ALDH9A1: variants seen among roughly 807,000 people sequenced by gnomAD.
The protein encoded by ALDH9A1 is aldehyde dehydrogenase 9 family member A1.
ALDH9A1 carries 42 observed loss-of-function variants against 56.6 expected under a neutral mutation model. The observed-to-expected ratio is 0.74, with a 90% confidence interval of 0.58 to 0.96. The LOEUF is 0.96. Ranked by LOEUF, ALDH9A1 falls within the 40% of genes least tolerant of loss-of-function variation. ALDH9A1 has a pLI of 0.00. For synonymous variants in ALDH9A1, 242 were observed against 236.0 expected, an observed-to-expected ratio of 1.03 and a Z score of -0.23; for missense variants, 661 against 651.5, an observed-to-expected ratio of 1.01 and a Z score of -0.16.
chr1:165,695,670 T>C (rs922079130), intron 1 of ALDH9A1, among the ~76,000 whole-genome samples: 1 of 151,558 alleles, frequency 6.6e-6, no homozygotes, highest in Admixed American at 6.6e-5. Flanking sequence ...TAATTTTTTG[T>C]ATTTTTTAGT....
rs751345266 is a variant in ALDH9A1, at chr1:165,665,097, C to T, written c.1383G>A (p.Glu461=). 2.0e-5 allele frequency: 33 copies of T among 1,613,824 alleles called. No homozygotes were observed. In the South Asian group the frequency reaches 3.2e-4, roughly 16 times the overall value. The change falls in exon 10 of 11, where the codon GAG becomes GAA. Residue 461 remains glutamate (E), a synonymous_variant. Coordinates refer to ENST00000354775, the MANE Select transcript of ALDH9A1 (RefSeq NM_000696.4). ...DIQRAHRVVA[E]LQAGTCFINN... ...TAATGAAGCACGTCCCAGCCTGAAGCTCAGCTACCACTCTATGAGCCCGTT... is the reference window on the plus strand; with the variant it reads ...TAATGAAGCACGTCCCAGCCTGAAGTTCAGCTACCACTCTATGAGCCCGTT...
At chr1:165,689,768 T>C (rs1166240332) in intron 2 of ALDH9A1, among the ~76,000 whole-genome samples, 3 of 151,878 alleles carry the variant, frequency 2.0e-5, no homozygotes, top group African/African-American at 7.3e-5. Context: ...ACTCTGTCTC[T>C]ACTAAAAATA....
At chr1:165,687,318 T>C (rs1041274649) in intron 2 of ALDH9A1, among the ~76,000 whole-genome samples, 2 of 150,130 alleles carry the variant, frequency 1.3e-5, no homozygotes, top group African/African-American at 4.9e-5. Context: ...AAAGAAATCA[T>C]GGCCAAATTT....
chr1:165,675,895 C>G (rs1333880653), intron 6 of ALDH9A1, among the ~76,000 whole-genome samples: 1 of 152,136 alleles, frequency 6.6e-6, no homozygotes. Context: ...TTATTTTCCA[C>G]AGAGGTATGG....
intron 9 of ALDH9A1, among the ~76,000 whole-genome samples, chr1:165,666,472 G>C (rs1357862959): frequency 1.3e-5 from 2 of 152,096 alleles, no homozygotes; most frequent in Non-Finnish European, 2.9e-5. Flanking sequence ...CTTTGTAACC[G>C]GACTTTGTCT....
intron 6 of ALDH9A1, among the ~76,000 whole-genome samples, chr1:165,673,664 G>T (rs1004385065): frequency 6.6e-6 from 1 of 152,138 alleles, no homozygotes; most frequent in Non-Finnish European, 1.5e-5. Context: ...GACGCTTTCT[G>T]ACTGAGCTCC....
In ALDH9A1 at chr1:165,679,485, G is replaced by A; in HGVS notation, c.887C>T (p.Ala296Val). Residue 296 changes from alanine to valine, a missense_variant, in exon 6 of 11, where the codon GCT becomes GTT. Ala to Val is a moderately conservative substitution (Grantham distance 64, BLOSUM62 0). Transcript: ENST00000354775. ...GTTGGCCATCAGCGCCCCCTTTACA[G>A]CATTGTTCATATCACAGTCTGAGAA... Reference protein sequence around the residue: ...IIFSDCDMNNAVKGALMANFL... With the variant: ...IIFSDCDMNNVVKGALMANFL... 6.2e-7 allele frequency: 1 copy of A among 1,614,120 alleles called. No homozygotes were observed.
chr1:165,676,627 A>G (rs1402664620), intron 6 of ALDH9A1: 1 of 336,920 alleles, frequency 3.0e-6, no homozygotes, highest in Admixed American at 4.0e-5. Flanking sequence ...TCTGAAATGC[A>G]TGAAAGAAGA....
intron 6 of ALDH9A1, among the ~76,000 whole-genome samples, chr1:165,673,335 T>C (rs560587970): frequency 2.6e-5 from 4 of 152,308 alleles, no homozygotes; most frequent in Admixed American, 2.0e-4. Context: ...AAAGGAAATC[T>C]TGGTATACTG....
At position 165,667,436 on chromosome 1, in the gene ALDH9A1, C is replaced by A. The variant is rs775405930; in HGVS notation, c.1222G>T (p.Asp408Tyr). ...ATCTCTTCCTTCACACAGGTCATGT[C>A]GTCTCTGCAATTAGCTGCAAACATT... Reference protein sequence around the residue: ...RPCVLTNCRDDMTCVKEEIFG... With the variant: ...RPCVLTNCRDYMTCVKEEIFG... Residue 408 changes from aspartate (D) to tyrosine (Y), a missense_variant, in exon 9 of 11, where the codon GAC becomes TAC. Coordinates refer to ENST00000354775, the MANE Select transcript of ALDH9A1 (RefSeq NM_000696.4). 1.2e-6 allele frequency: 2 copies of A among 1,613,936 alleles called. No homozygotes were observed. The highest frequency in any genetic ancestry group is 2.2e-5 in the East Asian group (1 of 44,876).
At chr1:165,666,163 T>C (rs1053344183) in intron 9 of ALDH9A1, among the ~76,000 whole-genome samples, 1 of 152,180 alleles carries the variant, frequency 6.6e-6, no homozygotes, top group Non-Finnish European at 1.5e-5. Context: ...ATATATACTG[T>C]ATGATTCCAT....
chr1:165,680,807 TC>T, intron 4 of ALDH9A1, 124 bp from the exon 5 acceptor site: 2 of 904,544 alleles, frequency 2.2e-6, no homozygotes, highest in Non-Finnish European at 3.3e-6. Flanking sequence ...AAATCCTACA[TC>T]AAAAATGTTA....
At chr1:165,686,603 G>A (rs1216066182) in intron 2 of ALDH9A1, among the ~76,000 whole-genome samples, 4 of 151,832 alleles carry the variant, frequency 2.6e-5, no homozygotes, top group East Asian at 1.9e-4. Flanking sequence ...ATTAACACCC[G>A]GATCACAGGG....
chr1:165,676,958 G>A (rs973051955), intron 6 of ALDH9A1, among the ~76,000 whole-genome samples: 7 of 152,212 alleles, frequency 4.6e-5, no homozygotes, highest in Admixed American at 2.6e-4. Context: ...GCTGAAAGAT[G>A]TGAGGTGGCT....
intron 9 of ALDH9A1, among the ~76,000 whole-genome samples, chr1:165,665,898 C>T (rs1479255608): frequency 1.3e-5 from 2 of 152,172 alleles, no homozygotes; most frequent in Non-Finnish European, 2.9e-5. Flanking sequence ...CAGCAATTCA[C>T]TACTAGATAT....
intron 9 of ALDH9A1, among the ~76,000 whole-genome samples, chr1:165,665,598 A>T (rs528691095): frequency 2.6e-5 from 4 of 152,160 alleles, no homozygotes; most frequent in East Asian, 3.9e-4. Flanking sequence ...AGTAACAGAT[A>T]AAAAAAACAG....
At position 165,692,606 on chromosome 1, in the gene ALDH9A1, G is replaced by C. The variant is rs554946280; in HGVS notation, c.327+2646C>G. ...AAGAACATTCCATGCTCATGGATAGGAAGAATCAATATCGCAAAAATGGCC... is the reference window on the plus strand; with the variant it reads ...AAGAACATTCCATGCTCATGGATAGCAAGAATCAATATCGCAAAAATGGCC... On this transcript the variant is annotated intron_variant, in intron 2 of 10. Transcript: ENST00000354775. 3.9e-5 allele frequency among the ~76,000 whole-genome samples: 6 copies of C among 152,292 alleles called. No homozygotes were observed. In the South Asian group the frequency reaches 1.2e-3, roughly 32 times the overall value.
intron 2 of ALDH9A1, among the ~76,000 whole-genome samples, chr1:165,688,903 T>C (rs79079082): frequency 0.016 from 2,508 of 152,222 alleles, 70 homozygotes; most frequent in African/African-American, 0.057. Flanking sequence ...AAGCAGTGGG[T>C]TTTTGATTAA....
chr1:165,689,257 A>C (rs1649806374), intron 2 of ALDH9A1, among the ~76,000 whole-genome samples: 2 of 152,222 alleles, frequency 1.3e-5, no homozygotes, highest in South Asian at 2.1e-4. Context: ...AGGGCTTTCC[A>C]AGCAAAGGAC....
Sources: allele counts gnomAD v4.1 joint callset (sites outside exome capture counted in the v4.1 genomes callset), GRCh38; gene constraint gnomAD v4.1.1; transcripts MANE v1.5; gene names NCBI Gene and HGNC (gene_info 2026-07-23, HGNC 2026-07-21).